MUSK: variants seen among roughly 807,000 people sequenced by gnomAD.
MUSK encodes the protein muscle, skeletal receptor tyrosine-protein kinase.
In MUSK, 55 loss-of-function variants were observed where a neutral mutation model predicts 88.7. The observed-to-expected ratio is 0.62, with a 90% confidence interval of 0.50 to 0.78. The LOEUF (loss-of-function observed/expected upper bound fraction) is 0.78. Among genes scored for constraint, MUSK ranks in the 30% least tolerant of loss-of-function variants. MUSK has a pLI of 0.00. For synonymous variants in MUSK, 387 were observed against 391.9 expected, an observed-to-expected ratio of 0.99 and a Z score of 0.15; for missense variants, 1,015 against 1,074.3, an observed-to-expected ratio of 0.94 and a Z score of 0.77.
At chr9:110,729,281 C>G (rs61011220) in intron 5 of MUSK, among the ~76,000 whole-genome samples, 1 of 80,370 alleles carries the variant, frequency 1.2e-5, no homozygotes, top group African/African-American at 3.8e-5. Context: ...GGGAAAAATT[C>G]TACTTTTTCC....
At position 110,785,909 on chromosome 9, in the gene MUSK, CAT is replaced by C. The variant is rs555793013; in HGVS notation, c.1778+195_1778+196del. Among the ~76,000 whole-genome samples the C allele has an allele frequency of 4.0e-3, 597 of 148,294 alleles. 8 individuals are homozygous for C. The highest frequency in any genetic ancestry group is 6.4e-3 in the Non-Finnish European group (433 of 67,326). On this transcript the variant is annotated intron_variant, in intron 13 of 14. Transcript: ENST00000374448. Reference sequence around the variant, plus strand: ...GTGTGTATATATATATACACACACACATATACATATATACACACAGTGTAATA... The same window carrying C: ...GTGTGTATATATATATACACACACACATACATATATACACACAGTGTAATA...
At chr9:110,685,808 A>G (rs2076188151) in intron 2 of MUSK, among the ~76,000 whole-genome samples, 1 of 152,134 alleles carries the variant, frequency 6.6e-6, no homozygotes, top group African/African-American at 2.4e-5. Context: ...TCATTAACAC[A>G]CGTATTTCTA....
rs757240600 is a variant in MUSK, at chr9:110,767,931, T to TGAGGAG, written c.1034_1039dup (p.Glu345_Glu346dup). On this transcript the variant is annotated inframe_insertion, in exon 9 of 15. Coordinates refer to ENST00000374448, the MANE Select transcript of MUSK (RefSeq NM_005592.4). ...TTCTCAACACCTCCTATGCGGACCCTGAGGAGGCCCAAGAGCTACTGGTCC... is the reference window on the plus strand; with the variant it reads ...TTCTCAACACCTCCTATGCGGACCCTGAGGAGGAGGAGGCCCAAGAGCTACTGGTCC... 3 of 1,613,938 alleles carry TGAGGAG rather than the reference T, an allele frequency of 1.9e-6. No homozygotes were observed. Among genetic ancestry groups the TGAGGAG allele is most frequent in the Non-Finnish European group, 2.5e-6 (3 of 1,179,878 alleles).
chr9:110,676,156 A>G (rs573850777), intron 1 of MUSK, among the ~76,000 whole-genome samples: 1 of 151,958 alleles, frequency 6.6e-6, no homozygotes, highest in Admixed American at 6.6e-5. Flanking sequence ...TGAAAGCAAT[A>G]TGTATTCATT....
At chr9:110,699,925 A>G (rs1323792862) in intron 5 of MUSK, among the ~76,000 whole-genome samples, 1 of 152,230 alleles carries the variant, frequency 6.6e-6, no homozygotes, top group Admixed American at 6.5e-5. Context: ...ATGCCAGGCC[A>G]TGGATTGGGT....
intron 1 of MUSK, among the ~76,000 whole-genome samples, chr9:110,675,638 C>T (rs1399444194): frequency 7.3e-6 from 1 of 137,688 alleles, no homozygotes; most frequent in Admixed American, 8.0e-5. Context: ...GGTGCGGTCT[C>T]GGCTCACTGC....
chr9:110,733,571 T>C (rs1205980517), intron 5 of MUSK, among the ~76,000 whole-genome samples: 1 of 151,688 alleles, frequency 6.6e-6, no homozygotes, highest in African/African-American at 2.4e-5. Context: ...ATCTAAAATA[T>C]CCTTTTTTTT....
chr9:110,735,435 T>C (rs2077018798), intron 6 of MUSK, among the ~76,000 whole-genome samples: 1 of 152,184 alleles, frequency 6.6e-6, no homozygotes, highest in South Asian at 2.1e-4. Context: ...CCGCAGGACA[T>C]TATGTTAAGT....
chr9:110,750,631 A>G (rs1483786584), intron 7 of MUSK, among the ~76,000 whole-genome samples: 2 of 152,170 alleles, frequency 1.3e-5, no homozygotes, highest in African/African-American at 4.8e-5. Context: ...TACTCCTCAC[A>G]GGGCCTGAAG....
intron 3 of MUSK, among the ~76,000 whole-genome samples, chr9:110,693,621 C>T (rs2076387597): frequency 6.6e-6 from 1 of 152,220 alleles, no homozygotes; most frequent in African/African-American, 2.4e-5. Context: ...GGCTATGCGT[C>T]AATACCCTAG....
chr9:110,696,844 C>A (rs1028356058), intron 4 of MUSK, among the ~76,000 whole-genome samples: 8 of 151,758 alleles, frequency 5.3e-5, no homozygotes, highest in African/African-American at 1.9e-4. Context: ...TTTTTGGTTG[C>A]AAGGATGAAC....
At chr9:110,743,744 C>T (rs935765898) in intron 6 of MUSK, among the ~76,000 whole-genome samples, 1 of 152,056 alleles carries the variant, frequency 6.6e-6, no homozygotes, top group African/African-American at 2.4e-5. Context: ...CTGTGAAGTC[C>T]TTTTATCTTA....
In MUSK at chr9:110,800,605, G is replaced by A. The variant is rs750605786; in HGVS notation, c.2227G>A (p.Asp743Asn). The change falls in exon 15 of 15, where the codon GAC becomes AAC. Residue 743 changes from aspartate (D) to asparagine (N), a missense_variant. Asp to Asn is a conservative substitution (Grantham distance 23, BLOSUM62 1). Coordinates refer to ENST00000374448, the MANE Select transcript of MUSK (RefSeq NM_005592.4). ...CGAGAACATGGTGGTGAAAATTGCC[G>A]ACTTTGGCCTCTCCAGGAACATCTA... is the stretch of plus-strand genomic sequence containing the variant. ...VGENMVVKIA[D>N]FGLSRNIYSA... is the part of the protein sequence containing the mutation. The A allele has an allele frequency of 2.5e-6, 4 of 1,613,482 alleles. No homozygotes were observed. The highest frequency in any genetic ancestry group is 1.7e-6 in the Non-Finnish European group (2 of 1,179,734).
chr9:110,701,684 ACTTTAC>A (rs1310103369), intron 5 of MUSK, among the ~76,000 whole-genome samples: 73 of 4,070 alleles, frequency 0.018, 15 homozygotes, highest in African/African-American at 0.052. Flanking sequence ...TATTTTTTTT[ACTTTAC>A]TTTATTTTAT....
chr9:110,696,651 C>T (rs946550324), intron 4 of MUSK, among the ~76,000 whole-genome samples: 34 of 152,046 alleles, frequency 2.2e-4, no homozygotes, highest in African/African-American at 7.7e-4. Context: ...GGGTTCAAAA[C>T]AGAAAAGACA....
At chr9:110,687,742 C>G (rs2076217009) in intron 3 of MUSK, among the ~76,000 whole-genome samples, 1 of 151,986 alleles carries the variant, frequency 6.6e-6, no homozygotes, top group Admixed American at 6.6e-5. Flanking sequence ...CCAATTAATC[C>G]CACACCTCTT....
chr9:110,754,162 G>A (rs1172376581), intron 7 of MUSK, among the ~76,000 whole-genome samples: 1 of 152,126 alleles, frequency 6.6e-6, no homozygotes, highest in Non-Finnish European at 1.5e-5. Flanking sequence ...CTTAATAAAA[G>A]GGAAAAGGAT....
chr9:110,775,551 G>A (rs1322480982), intron 9 of MUSK: 2 of 520,136 alleles, frequency 3.8e-6, no homozygotes, highest in Non-Finnish European at 3.5e-6. Context: ...TTTTCCCTTA[G>A]ACTAGCATTA....
At chr9:110,785,088 C>A in intron 12 of MUSK, 72 bp downstream of exon 12, 1 of 1,355,194 alleles carries the variant, frequency 7.4e-7, no homozygotes, top group Non-Finnish European at 1.0e-6. Flanking sequence ...GTTGGTATGA[C>A]GTGAGGAATA....
Sources: allele counts gnomAD v4.1 joint callset (sites outside exome capture counted in the v4.1 genomes callset), GRCh38; gene constraint gnomAD v4.1.1; transcripts MANE v1.5; gene names NCBI Gene and HGNC (gene_info 2026-07-23, HGNC 2026-07-21).